Variants in WWP2 observed in about 807,000 individuals in gnomAD.
WWP2 encodes the protein NEDD4-like E3 ubiquitin-protein ligase WWP2.
In WWP2, 57 loss-of-function variants were observed where a neutral mutation model predicts 121.0. That is an observed-to-expected ratio of 0.47 (90% CI 0.38 to 0.59). The LOEUF is 0.59. Among genes scored for constraint, WWP2 ranks in the 20% least tolerant of loss-of-function variants. The probability of loss-of-function intolerance (pLI) is 0.00; values close to 1 mark genes in which losing one functional copy is unlikely to be tolerated. For missense variants in WWP2, 962 were observed against 1,158.9 expected, an observed-to-expected ratio of 0.83 and a Z score of 2.47; for synonymous variants, 449 against 441.3, an observed-to-expected ratio of 1.02 and a Z score of -0.22.
intron 2 of WWP2, among the ~76,000 whole-genome samples, 176 bp from the exon 3 acceptor site, chr16:69,798,506 A>AT (rs1022679110): frequency 2.1e-5 from 3 of 145,856 alleles, no homozygotes; most frequent in African/African-American, 7.6e-5. Flanking sequence ...TACACTTCAT[A>AT]TTTTTTTTGG....
intron 2 of WWP2, among the ~76,000 whole-genome samples, chr16:69,787,668 G>T (rs145033404): frequency 2.0e-5 from 3 of 152,158 alleles, no homozygotes; most frequent in African/African-American, 7.2e-5. Flanking sequence ...ACCTGCACTC[G>T]CTCCCTAGGT....
intron 6 of WWP2, among the ~76,000 whole-genome samples, chr16:69,848,240 C>T (rs1464024173): frequency 6.6e-6 from 1 of 152,064 alleles, no homozygotes; most frequent in African/African-American, 2.4e-5. Flanking sequence ...CACCTGAGGT[C>T]GGAAGTTCAA....
At chr16:69,787,202 C>T in intron 2 of WWP2, 122 bp downstream of exon 2, 1 of 614,098 alleles carries the variant, frequency 1.6e-6, no homozygotes, top group Non-Finnish European at 2.7e-6. Context: ...ATTATTTATT[C>T]TCATGGGATT....
chr16:69,887,432 C>T (rs571192809), intron 7 of WWP2, among the ~76,000 whole-genome samples: 27 of 151,876 alleles, frequency 1.8e-4, no homozygotes, highest in Admixed American at 1.7e-3. Flanking sequence ...ATTTTGCTGT[C>T]AGGCAAATTT....
chr16:69,895,688 A>C (rs1294241298), intron 8 of WWP2, among the ~76,000 whole-genome samples: 1 of 152,174 alleles, frequency 6.6e-6, no homozygotes, highest in African/African-American at 2.4e-5. Context: ...TAAGTCCCGG[A>C]AGTCGAGCCT....
chr16:69,917,618 C>T lies in WWP2; in HGVS notation c.1005-91C>T, dbSNP rs573901758. ...CCAGCAACCTCTGTGACAGGGCCTGCCCGGCTGTGCTAGGCATCCTGAGAC... is the reference window on the plus strand; with the variant it reads ...CCAGCAACCTCTGTGACAGGGCCTGTCCGGCTGTGCTAGGCATCCTGAGAC... On this transcript the variant is annotated intron_variant, in intron 9 of 23. Coordinates refer to ENST00000359154, the MANE Select transcript of WWP2 (RefSeq NM_001270454.2). 6 of 1,479,888 alleles carry T rather than the reference C, an allele frequency of 4.1e-6. No homozygotes were observed. The African/African-American group carries it at 5.5e-5, about 14-fold the overall frequency. The allele number at this position is 1,479,888 out of a possible 1,614,324, so 91.7% of individuals were successfully genotyped here. A position where few individuals can be genotyped will look rare whatever the true frequency, so the allele number is the denominator to read the frequency against.
At chr16:69,939,232 T>G (rs1258218931) in intron 22 of WWP2, 109 bp downstream of exon 22, 2 of 1,554,670 alleles carry the variant, frequency 1.3e-6, no homozygotes, top group Non-Finnish European at 1.8e-6. Flanking sequence ...GGAGAAGAGC[T>G]GTGGCCTCTG....
chr16:69,779,795 C>T (rs974662501), intron 1 of WWP2, among the ~76,000 whole-genome samples: 1 of 152,016 alleles, frequency 6.6e-6, no homozygotes, highest in Admixed American at 6.6e-5. Flanking sequence ...TGCTTTAACC[C>T]CTGTTAACTA....
intron 1 of WWP2, among the ~76,000 whole-genome samples, chr16:69,783,509 T>C (rs2055709807): frequency 6.6e-6 from 1 of 151,912 alleles, no homozygotes; most frequent in South Asian, 2.1e-4. Flanking sequence ...GAGTAGCCAC[T>C]GTACTCTAGC....
At chr16:69,879,053 G>A (rs578050533) in intron 7 of WWP2, among the ~76,000 whole-genome samples, 13 of 152,104 alleles carry the variant, frequency 8.5e-5, no homozygotes, top group East Asian at 3.9e-4. Flanking sequence ...GTTTAACCTC[G>A]TTGCGTTTTC....
intron 13 of WWP2, among the ~76,000 whole-genome samples, chr16:69,930,533 C>CA (rs1052488713): frequency 5.3e-5 from 8 of 151,238 alleles, no homozygotes; most frequent in Non-Finnish European, 8.9e-5. Flanking sequence ...CCCATCTCTA[C>CA]AAAAAAAAAT....
intron 3 of WWP2, 101 bp downstream of exon 3, chr16:69,798,930 A>C: frequency 6.6e-7 from 1 of 1,510,724 alleles, no homozygotes; most frequent in Non-Finnish European, 8.9e-7. Context: ...GGCACCTCCG[A>C]CTTTTTCTAC....
chr16:69,918,845 C>CTTT (rs113707256), intron 10 of WWP2, among the ~76,000 whole-genome samples: 1 of 139,602 alleles, frequency 7.2e-6, no homozygotes, highest in Non-Finnish European at 1.6e-5. Context: ...CCTTTTCTTT[C>CTTT]TTTTTTTTTT....
At chr16:69,854,593 C>G (rs987167827) in intron 6 of WWP2, among the ~76,000 whole-genome samples, 4 of 151,984 alleles carry the variant, frequency 2.6e-5, no homozygotes, top group Non-Finnish European at 5.9e-5. Flanking sequence ...CTCTGTCGCC[C>G]AGGCTGGAGT....
chr16:69,910,600 A>G (rs1462558071), intron 9 of WWP2, among the ~76,000 whole-genome samples: 2 of 152,222 alleles, frequency 1.3e-5, no homozygotes, highest in Admixed American at 1.3e-4. Flanking sequence ...TAGTAGAGAC[A>G]GGGTTTCACC....
intron 4 of WWP2, among the ~76,000 whole-genome samples, chr16:69,836,096 C>G (rs1053783696): frequency 6.6e-6 from 1 of 152,144 alleles, no homozygotes; most frequent in African/African-American, 2.4e-5. Flanking sequence ...AGCCACCGTG[C>G]CTGTGCATAA....
chr16:69,818,188 T>TTTTA (rs1057143486), intron 4 of WWP2, among the ~76,000 whole-genome samples: 1 of 151,534 alleles, frequency 6.6e-6, no homozygotes, highest in Non-Finnish European at 1.5e-5. Flanking sequence ...TTAGATTTTA[T>TTTTA]TTTATTTATT....
intron 6 of WWP2, among the ~76,000 whole-genome samples, chr16:69,857,271 T>G (rs2057334315): frequency 6.6e-6 from 1 of 152,124 alleles, no homozygotes; most frequent in South Asian, 2.1e-4. Context: ...AGTTTTTGTA[T>G]TTTTAGTAGA....
At chr16:69,883,873 C>T (rs560059585) in intron 7 of WWP2, among the ~76,000 whole-genome samples, 4 of 152,230 alleles carry the variant, frequency 2.6e-5, no homozygotes, top group East Asian at 1.9e-4. Flanking sequence ...CAGTCAGATC[C>T]GAGTAGTGTT....
Sources: allele counts gnomAD v4.1 joint callset (sites outside exome capture counted in the v4.1 genomes callset), GRCh38; gene constraint gnomAD v4.1.1; transcripts MANE v1.5; gene names NCBI Gene and HGNC (gene_info 2026-07-23, HGNC 2026-07-21).